The following PTH1R variants were observed in gnomAD, a reference collection of about 807,000 sequenced individuals.
PTH1R encodes the protein parathyroid hormone 1 receptor.
Under a neutral mutation model 70.7 loss-of-function variants are expected in PTH1R, and 32 were observed. The ratio of observed to expected loss-of-function variants is 0.45; its 90% confidence interval spans 0.34 to 0.61. PTH1R has a LOEUF of 0.61. Ranked by LOEUF, PTH1R falls within the 20% of genes least tolerant of loss-of-function variation. PTH1R has a pLI of 0.01. For synonymous variants in PTH1R, 329 were observed against 324.8 expected (o/e 1.01, Z -0.14); for missense variants, 626 against 792.5 (o/e 0.79, Z 2.52).
Position 46,883,637 on chromosome 3 carries a change from G to A in PTH1R, c.75+3G>A. 6.5e-7 allele frequency: 1 copy of A among 1,545,692 alleles called. No homozygotes were observed. The highest frequency in any genetic ancestry group is 1.4e-5 in the African/African-American group (1 of 73,166). ...TGCTCAGCTCCGCGTACGCGCTGGT[G>A]AGTCCCCCGCCGCCAACACTCCGGG... On this transcript the variant is annotated splice_donor_region_variant and intron_variant, in intron 3 of 15. Coordinates refer to ENST00000449590, the MANE Select transcript of PTH1R (RefSeq NM_000316.3). The surrounding 1 kb of genome is among the most constrained non-coding windows in gnomAD (Gnocchi z 6.4).
intron 3 of PTH1R, among the ~76,000 whole-genome samples, chr3:46,885,236 G>C (rs1223564405): frequency 6.6e-6 from 1 of 152,132 alleles, no homozygotes; most frequent in Non-Finnish European, 1.5e-5. Context: ...CCCTGTGTGA[G>C]TTCACGTGTC....
At position 46,903,546 on chromosome 3, in the gene PTH1R, C is replaced by T. The variant is rs201625204; in HGVS notation, c.1672C>T (p.Pro558Ser). ...LETTPPAMAA[P>S]KDDGFLNGSC... The stretch of plus-strand genomic sequence containing the variant: ...GACCACACCACCTGCCATGGCTGCT[C>T]CCAAGGACGATGGGTTCCTCAACGG... Residue 558 changes from proline to serine, a missense_variant, in exon 16 of 16, where the codon CCC (proline) becomes TCC (serine). Pro to Ser is a moderately conservative substitution (Grantham distance 74). Transcript: ENST00000449590. The surrounding 1 kb of genome is among the most constrained non-coding windows in gnomAD (Gnocchi z 4.4). The T allele has an allele frequency of 4.3e-5, 69 of 1,613,982 alleles. No individual in the cohort carries two copies. In the Admixed American group the frequency reaches 4.3e-4, roughly 10 times the overall value.
At chr3:46,890,167 T>C (rs1473898914) in intron 3 of PTH1R, among the ~76,000 whole-genome samples, 1 of 152,112 alleles carries the variant, frequency 6.6e-6, no homozygotes, top group East Asian at 1.9e-4. Context: ...TGGGATACTC[T>C]TCCATCCCAA....
rs78098070 is a variant in PTH1R, at chr3:46,884,384, C to T, written c.75+750C>T. Among the ~76,000 whole-genome samples, 4 of 151,972 alleles carry T rather than the reference C, an allele frequency of 2.6e-5. No homozygotes were observed. The highest frequency in any genetic ancestry group is 2.1e-4 in the South Asian group (1 of 4,824). On this transcript the variant is annotated intron_variant, in intron 3 of 15. Coordinates refer to ENST00000449590, the MANE Select transcript of PTH1R (RefSeq NM_000316.3). This position sits in a 1 kb window ranked among gnomAD's most constrained non-coding sequence, Gnocchi z 4.8. ...AAGCCGGGTGGGGAGGAGAGATCCC[C>T]CCAGCTGGAGGGGTGGACAGACTAA...
chr3:46,897,963 A>G lies in PTH1R; in HGVS notation c.422A>G (p.Lys141Arg). 2 of 1,613,952 alleles carry G rather than the reference A, an allele frequency of 1.2e-6. No homozygotes were observed. Among genetic ancestry groups the G allele is most frequent in the Non-Finnish European group, 1.7e-6 (2 of 1,179,918 alleles). ...GACTACATTTATGACTTCAATCACA[A>G]AGGTGAGGCCTGCTGGAAGGGGTGG... ...CPDYIYDFNH[K>R]GHAYRRCDRN... Residue 141 changes from lysine (K) to arginine (R), a missense_variant and splice_region_variant, in exon 6 of 16, where the codon AAA (lysine) becomes AGA (arginine). By Grantham distance (26) the Lys-to-Arg change is conservative. Transcript: ENST00000449590.
rs983999884 is a variant in PTH1R, at chr3:46,893,659, G to A, written c.76-248G>A. Among the ~76,000 whole-genome samples the A allele has an allele frequency of 2.0e-5, 3 of 152,184 alleles. No homozygotes were observed. Among genetic ancestry groups the A allele is most frequent in the East Asian group, 1.9e-4 (1 of 5,198 alleles). ...GACTGCAGCCTACAGGGTTACTGGC[G>A]GGCAGGCAGGAGAGAGCCCCTGCTT... On this transcript the variant is annotated intron_variant, in intron 3 of 15. Coordinates refer to ENST00000449590, the MANE Select transcript of PTH1R (RefSeq NM_000316.3). The surrounding 1 kb of genome is among the most constrained non-coding windows in gnomAD (Gnocchi z 5.2).
In PTH1R at chr3:46,892,367, C is replaced by T. The variant is rs1236700909; in HGVS notation, c.76-1540C>T. 6.6e-6 allele frequency among the ~76,000 whole-genome samples: 1 copy of T among 152,242 alleles called. No individual in the cohort carries two copies. Among genetic ancestry groups the T allele is most frequent in the Non-Finnish European group, 1.5e-5 (1 of 68,046 alleles). ...GCACGTGCATGCTCACAAACACGTC[C>T]GGCTCGCGTCCCATACTGACAGGCT... On this transcript the variant is annotated intron_variant, in intron 3 of 15. Coordinates refer to ENST00000449590, the MANE Select transcript of PTH1R (RefSeq NM_000316.3). The surrounding 1 kb of genome is among the most constrained non-coding windows in gnomAD (Gnocchi z 5.2).
chr3:46,901,488 G>A lies in PTH1R; in HGVS notation c.1116+8G>A, dbSNP rs1235745357. The A allele has an allele frequency of 1.9e-6, 3 of 1,563,618 alleles. No homozygotes were observed. In the African/African-American group the frequency reaches 4.1e-5, roughly 21 times the overall value. ...ATCCTGGCCTCCATTGTGGTGAGCA[G>A]GGGTGGGCTGCTGGCCACAGGGGTG... On this transcript the variant is annotated splice_region_variant and intron_variant, in intron 12 of 15. Coordinates refer to ENST00000449590, the MANE Select transcript of PTH1R (RefSeq NM_000316.3). This position sits in a 1 kb window ranked among gnomAD's most constrained non-coding sequence, Gnocchi z 7.3.
At position 46,888,362 on chromosome 3, in the gene PTH1R, G is replaced by A. The variant is rs142646773; in HGVS notation, c.75+4728G>A. ...AAACGGCTTATGGACAGAGCAGCAG[G>A]AGGGTGCCGAGCCCTCCGAGGAACT... On this transcript the variant is annotated intron_variant, in intron 3 of 15. Coordinates refer to ENST00000449590, the MANE Select transcript of PTH1R (RefSeq NM_000316.3). Among the ~76,000 whole-genome samples, 243 of 152,346 alleles carry A rather than the reference G, an allele frequency of 1.6e-3. 1 individual carries two copies. Among genetic ancestry groups the A allele is most frequent in the Middle Eastern group, 0.01 (3 of 294 alleles).
In PTH1R at chr3:46,893,884, T is replaced by G; in HGVS notation, c.76-23T>G. On this transcript the variant is annotated intron_variant, in intron 3 of 15. Coordinates refer to ENST00000449590, the MANE Select transcript of PTH1R (RefSeq NM_000316.3). The surrounding 1 kb of genome is among the most constrained non-coding windows in gnomAD (Gnocchi z 5.2). ...CTGCTGCGCCGGAAAGTCCTGCCTG[T>G]GGTCTGACCTTCGGCTTGGCAGGTG... 6.2e-7 allele frequency: 1 copy of G among 1,611,560 alleles called. No homozygotes were observed. Among genetic ancestry groups the G allele is most frequent in the Non-Finnish European group, 8.5e-7 (1 of 1,178,104 alleles).
At position 46,883,729 on chromosome 3, in the gene PTH1R, G is replaced by A; in HGVS notation, c.75+95G>A. ...AGGCACGCAGTCTTGAGTTCCCCCAGTAGTTCGAACTTTGGGTGAGAGTCC... is the reference window on the plus strand; with the variant it reads ...AGGCACGCAGTCTTGAGTTCCCCCAATAGTTCGAACTTTGGGTGAGAGTCC... On this transcript the variant is annotated intron_variant, in intron 3 of 15. Coordinates refer to ENST00000449590, the MANE Select transcript of PTH1R (RefSeq NM_000316.3). This position sits in a 1 kb window ranked among gnomAD's most constrained non-coding sequence, Gnocchi z 6.4. 7.0e-7 allele frequency: 1 copy of A among 1,433,072 alleles called. No individual in the cohort carries two copies. Among genetic ancestry groups the A allele is most frequent in the South Asian group, 1.2e-5 (1 of 81,872 alleles). The allele number at this position is 1,433,072 out of a possible 1,614,324, so 88.8% of individuals were successfully genotyped here. A position where few individuals can be genotyped will look rare whatever the true frequency, so the allele number is the denominator to read the frequency against.
rs41290648 is a variant in PTH1R at position 46,897,646 on chromosome 3, G to A, written c.314-209G>A. ...CTCGGGAGGCTGAGGCAGGAGAATC[G>A]CTTGAACCTGGGAGGCGGAGGTTGC... On this transcript the variant is annotated intron_variant, in intron 5 of 15. Transcript: ENST00000449590. 0.08 allele frequency among the ~76,000 whole-genome samples: 12,112 copies of A among 152,262 alleles called. 658 individuals carry two copies. The highest frequency in any genetic ancestry group is 0.12 in the Non-Finnish European group (8,111 of 68,016).
chr3:46,899,440 C>T lies in PTH1R; in HGVS notation c.972C>T (p.Phe324=), dbSNP rs1217739004. ...FFSEKKYLWG[F]TVFGWGLPAV... ...CAGAGAAGAAGTACCTGTGGGGCTT[C>T]ACAGTCTTCGGCTGGGGTACGCGGG... Residue 324 remains phenylalanine (F), a synonymous_variant, in exon 10 of 16, where the codon TTC becomes TTT. Coordinates refer to ENST00000449590, the MANE Select transcript of PTH1R (RefSeq NM_000316.3). 6.2e-7 allele frequency: 1 copy of T among 1,612,510 alleles called. No individual in the cohort carries two copies. The highest frequency in any genetic ancestry group is 8.5e-7 in the Non-Finnish European group (1 of 1,179,638).
At chr3:46,878,176 C>A (rs2030344305) in intron 1 of PTH1R, among the ~76,000 whole-genome samples, 1 of 152,212 alleles carries the variant, frequency 6.6e-6, no homozygotes, top group South Asian at 2.1e-4. Flanking sequence ...GCTTCTGCTG[C>A]AAGGGAAGGG....
rs201004869 is a variant in PTH1R at position 46,901,410 on chromosome 3, C to T, written c.1050-4C>T. On this transcript the variant is annotated splice_polypyrimidine_tract_variant and splice_region_variant and intron_variant, in intron 11 of 15. Transcript: ENST00000449590. This position sits in a 1 kb window ranked among gnomAD's most constrained non-coding sequence, Gnocchi z 7.3. ...ATGGGAGCTAATGCCTCAACCTCCC[C>T]CAGGTGCTGGGACTTGAGCTCCGGG... is the stretch of plus-strand genomic sequence containing the variant. The T allele has an allele frequency of 5.1e-6, 8 of 1,567,498 alleles. No homozygotes were observed. Among genetic ancestry groups the T allele is most frequent in the South Asian group, 2.4e-5 (2 of 85,088 alleles).
At position 46,882,676 on chromosome 3, in the gene PTH1R, G is replaced by A. The variant is rs1442071603; in HGVS notation, c.-48-836G>A. ...TTTTCGTAGAGAGAAAAGGGGGAGG[G>A]AGGGAGCGAGGGAGTGACCGAAACG... On this transcript the variant is annotated intron_variant, in intron 2 of 15. Coordinates refer to ENST00000449590, the MANE Select transcript of PTH1R (RefSeq NM_000316.3). The surrounding 1 kb of genome is among the most constrained non-coding windows in gnomAD (Gnocchi z 4.3). Among the ~76,000 whole-genome samples, 2 of 152,058 alleles carry A rather than the reference G, an allele frequency of 1.3e-5. No individual in the cohort carries two copies. Among genetic ancestry groups the A allele is most frequent in the East Asian group, 3.9e-4 (2 of 5,166 alleles).
intron 4 of PTH1R, among the ~76,000 whole-genome samples, chr3:46,895,118 T>C (rs2031674601): frequency 7.1e-6 from 1 of 140,598 alleles, no homozygotes; most frequent in African/African-American, 2.5e-5. Flanking sequence ...CCAGCATCTC[T>C]CCAATGAGAA....
intron 3 of PTH1R, among the ~76,000 whole-genome samples, chr3:46,890,690 A>G (rs1346381126): frequency 6.6e-6 from 1 of 151,876 alleles, no homozygotes; most frequent in Non-Finnish European, 1.5e-5. Flanking sequence ...CAGTAGAGAC[A>G]AGGTTTCTCC....
rs1221427206 is a variant in PTH1R at position 46,902,012 on chromosome 3, C to T, written c.1211+152C>T. The stretch of plus-strand genomic sequence containing the variant: ...TCCCTGGCTGTCCTCACCCACCTGG[C>T]CTGCCCAGCAGTGATGGGAGGCCCT... On this transcript the variant is annotated intron_variant, in intron 13 of 15. Transcript: ENST00000449590. This position sits in a 1 kb window ranked among gnomAD's most constrained non-coding sequence, Gnocchi z 5.4. 1.2e-5 allele frequency: 11 copies of T among 950,916 alleles called. No individual in the cohort carries two copies. Among genetic ancestry groups the T allele is most frequent in the Non-Finnish European group, 1.8e-5 (11 of 614,786 alleles). 58.9% of individuals were successfully genotyped at this position (950,916 alleles called of 1,614,324 possible).
Sources: gnomAD v4.1 joint callset for allele counts (sites outside exome capture counted in the v4.1 genomes callset) on GRCh38, gnomAD v4.1.1 for gene constraint, Gnocchi (gnomAD v3.1) non-coding constraint, MANE v1.5 for transcripts, NCBI Gene and HGNC (gene_info 2026-07-23, HGNC 2026-07-21) for gene names.